Variants in SNX29 observed in about 807,000 individuals in gnomAD.
SNX29 encodes sorting nexin 29.
In SNX29, 78 loss-of-function variants were observed where a neutral mutation model predicts 102.1. The ratio of observed to expected loss-of-function variants is 0.76; its 90% CI spans 0.64 to 0.92. The LOEUF is 0.92. Among genes scored for constraint, SNX29 ranks in the 40% least tolerant of loss-of-function variants. SNX29 has a pLI of 0.00. For synonymous variants in SNX29, 580 were observed against 414.5 expected, an observed-to-expected ratio of 1.40 and a Z score of -4.85; for missense variants, 1,280 against 1,061.7, an observed-to-expected ratio of 1.21 and a Z score of -2.86.
At chr16:12,472,594 C>T (rs1338264584) in intron 18 of SNX29, among the ~76,000 whole-genome samples, 1 of 149,350 alleles carries the variant, frequency 6.7e-6, no homozygotes, top group African/African-American at 2.5e-5. Flanking sequence ...TAGTGCTTAG[C>T]ATTGCGGGAG....
intron 13 of SNX29, among the ~76,000 whole-genome samples, chr16:12,165,095 G>T (rs967773241): frequency 1.3e-5 from 2 of 152,192 alleles, no homozygotes; most frequent in African/African-American, 4.8e-5. Context: ...TGAGGAACAG[G>T]ATAAGGACCA....
At chr16:12,369,911 T>C (rs2082621132) in intron 16 of SNX29, among the ~76,000 whole-genome samples, 1 of 152,210 alleles carries the variant, frequency 6.6e-6, no homozygotes. Context: ...CGATTTCTTC[T>C]TATTTGAAAA....
At chr16:12,382,644 A>T (rs1265136902) in intron 16 of SNX29, among the ~76,000 whole-genome samples, 1 of 152,240 alleles carries the variant, frequency 6.6e-6, no homozygotes, top group Non-Finnish European at 1.5e-5. Context: ...GCTTAAAACA[A>T]CATACGTTTA....
intron 15 of SNX29, among the ~76,000 whole-genome samples, chr16:12,292,128 G>C (rs564143542): frequency 3.3e-4 from 51 of 152,244 alleles, no homozygotes; most frequent in Non-Finnish European, 6.3e-4. Context: ...GGCTTTGCAG[G>C]TAGAATAGGA....
chr16:12,569,550 A>C lies in SNX29; in HGVS notation c.*921A>C, dbSNP rs776459774. On this transcript the variant is annotated 3_prime_UTR_variant, in exon 21 of 21. Coordinates refer to ENST00000566228, the MANE Select transcript of SNX29 (RefSeq NM_032167.5). Reference sequence around the variant, plus strand: ...AAGTTGGACCCAGTGTGGACACTTAACAGATCATGTGTCTCTCCACTAAAA... The same window carrying C: ...AAGTTGGACCCAGTGTGGACACTTACCAGATCATGTGTCTCTCCACTAAAA... The C allele has an allele frequency of 6.9e-5, 16 of 231,362 alleles. No homozygotes were observed. The highest frequency in any genetic ancestry group is 8.6e-5 in the Non-Finnish European group (10 of 116,952). 14.3% of individuals were successfully genotyped at this position (231,362 alleles called of 1,614,324 possible).
intron 19 of SNX29, among the ~76,000 whole-genome samples, chr16:12,489,647 C>T (rs1002713760): frequency 2.0e-5 from 3 of 152,190 alleles, no homozygotes; most frequent in Admixed American, 6.5e-5. Context: ...AGCCCTCAAA[C>T]GCCAGCATAA....
At chr16:12,228,263 C>T (rs1018107821) in intron 14 of SNX29, among the ~76,000 whole-genome samples, 6 of 152,256 alleles carry the variant, frequency 3.9e-5, no homozygotes. Flanking sequence ...TACTGCTATT[C>T]TCCCTTCCAC....
chr16:12,452,332 G>T (rs548506881), intron 18 of SNX29, among the ~76,000 whole-genome samples: 23 of 20,280 alleles, frequency 1.1e-3, no homozygotes, highest in African/African-American at 3.7e-3. Flanking sequence ...TAGGGATGCA[G>T]TGGAATGTCT....
At chr16:12,476,419 T>TATATATATATATATACAC (rs2087637258) in intron 18 of SNX29, among the ~76,000 whole-genome samples, 1 of 41,212 alleles carries the variant, frequency 2.4e-5, no homozygotes, top group Non-Finnish European at 4.5e-5. Context: ...TATACATATA[T>TATATATATATATATACAC]ATATATATAT....
chr16:12,277,016 C>T (rs1462941705), intron 14 of SNX29, among the ~76,000 whole-genome samples: 1 of 152,162 alleles, frequency 6.6e-6, no homozygotes, highest in Non-Finnish European at 1.5e-5. Context: ...CCCATTAGTG[C>T]TCCACAGCTG....
intron 20 of SNX29, among the ~76,000 whole-genome samples, chr16:12,540,394 A>AAGTT (rs1302999814): frequency 6.6e-6 from 1 of 152,192 alleles, no homozygotes; most frequent in African/African-American, 2.4e-5. Context: ...AATTGGCACA[A>AAGTT]AGTTAGTGGC....
chr16:12,567,212 A>G (rs1305754154), intron 20 of SNX29, among the ~76,000 whole-genome samples: 1 of 152,038 alleles, frequency 6.6e-6, no homozygotes, highest in East Asian at 1.9e-4. Flanking sequence ...GTCCTTTCTA[A>G]ACCACAGATA....
In SNX29 at chr16:12,567,328, G is replaced by C. The variant is rs2079053614; in HGVS notation, c.2319-1178G>C. ...GCAGCACAGAGGTGCTGCGGACGCA[G>C]GAGTGGACATGGATCCTGTTAGGTT... is the stretch of plus-strand genomic sequence containing the variant. On this transcript the variant is annotated intron_variant, in intron 20 of 20. Transcript: ENST00000566228. Among the ~76,000 whole-genome samples, 3 of 152,282 alleles carry C rather than the reference G, an allele frequency of 2.0e-5. No homozygotes were observed. In the South Asian group the frequency reaches 6.2e-4, roughly 32 times the overall value.
rs545965201 is a variant in SNX29 at position 12,154,661 on chromosome 16, A to G, written c.1595+24903A>G. 5.3e-5 allele frequency among the ~76,000 whole-genome samples: 8 copies of G among 152,300 alleles called. 1 individual carries two copies. In the East Asian group the frequency reaches 7.7e-4, roughly 15 times the overall value. Reference sequence around the variant, plus strand: ...ACTATAACAAAACAAAAAGTACCAGAAACTGGGTGGCTTATAAACAACAAA... The same window carrying G: ...ACTATAACAAAACAAAAAGTACCAGGAACTGGGTGGCTTATAAACAACAAA... On this transcript the variant is annotated intron_variant, in intron 13 of 20. Coordinates refer to ENST00000566228, the MANE Select transcript of SNX29 (RefSeq NM_032167.5).
chr16:12,363,190 C>A (rs2082356090), intron 16 of SNX29, among the ~76,000 whole-genome samples: 1 of 152,230 alleles, frequency 6.6e-6, no homozygotes, highest in South Asian at 2.1e-4. Flanking sequence ...GGGGATACCC[C>A]ATTATTGCCT....
At chr16:12,436,670 G>C (rs1169697957) in intron 18 of SNX29, among the ~76,000 whole-genome samples, 1 of 152,192 alleles carries the variant, frequency 6.6e-6, no homozygotes, top group Non-Finnish European at 1.5e-5. Flanking sequence ...GGGGACTTTG[G>C]CTGTGTCCTT....
In SNX29 at chr16:12,570,332, T is replaced by TC. The variant is rs199566882; in HGVS notation, c.*1706dup. 400 of 798,898 alleles carry TC rather than the reference T, an allele frequency of 5.0e-4. 6 individuals are homozygous for TC. The Admixed American group carries it at 0.018, about 36-fold the overall frequency. The allele number at this position is 798,898 out of a possible 1,614,324, so 49.5% of individuals were successfully genotyped here. ...GACATCCTGTAAAGGCAACTTGGTC[T>TC]CCCTCCCACTCACCTGCCAACATTG... On this transcript the variant is annotated 3_prime_UTR_variant, in exon 21 of 21. Coordinates refer to ENST00000566228, the MANE Select transcript of SNX29 (RefSeq NM_032167.5).
At chr16:12,223,245 G>T (rs1256616364) in intron 14 of SNX29, among the ~76,000 whole-genome samples, 1 of 152,162 alleles carries the variant, frequency 6.6e-6, no homozygotes, top group Non-Finnish European at 1.5e-5. Context: ...CTAGTATTAG[G>T]CTGGGCATAG....
chr16:12,230,636 G>A lies in SNX29; in HGVS notation c.1678+30953G>A, dbSNP rs1040451740. Among the ~76,000 whole-genome samples the A allele has an allele frequency of 5.3e-5, 8 of 152,294 alleles. 1 individual carries two copies. The East Asian group carries it at 1.4e-3, about 26-fold the overall frequency. On this transcript the variant is annotated intron_variant, in intron 14 of 20. Transcript: ENST00000566228. ...TTAGCATTTGTTTTTTAACGAATGAGCAGATGGTAGGCCTTGAATGCCCCA... is the reference window on the plus strand; with the variant it reads ...TTAGCATTTGTTTTTTAACGAATGAACAGATGGTAGGCCTTGAATGCCCCA...
Sources: allele counts gnomAD v4.1 joint callset (sites outside exome capture counted in the v4.1 genomes callset), GRCh38; gene constraint gnomAD v4.1.1; transcripts MANE v1.5; gene names NCBI Gene and HGNC (gene_info 2026-07-23, HGNC 2026-07-21).